Variants in IQGAP3 observed in about 807,000 individuals in gnomAD.
IQGAP3 encodes ras GTPase-activating-like protein IQGAP3.
Under a neutral mutation model 208.2 loss-of-function variants are expected in IQGAP3, and 165 were observed. The ratio of observed to expected loss-of-function variants is 0.79; its 90% CI spans 0.70 to 0.90. The LOEUF is 0.90. Among genes scored for constraint, IQGAP3 ranks in the 40% least tolerant of loss-of-function variants. The pLI is 0.00. For synonymous variants in IQGAP3, 703 were observed against 803.6 expected, an observed-to-expected ratio of 0.87 and a Z score of 2.12; for missense variants, 1,811 against 2,043.1, an observed-to-expected ratio of 0.89 and a Z score of 2.19.
intron 33 of IQGAP3, 57 bp downstream of exon 33, chr1:156,531,103 G>A (rs1273595212): frequency 2.5e-6 from 3 of 1,197,858 alleles, no homozygotes; most frequent in Admixed American, 3.4e-5. Context: ...AGCGGTGCAG[G>A]TGGGATGAGG....
chr1:156,541,100 C>T (rs990188475), intron 22 of IQGAP3, among the ~76,000 whole-genome samples, 184 bp from the exon 23 acceptor site: 1 of 151,798 alleles, frequency 6.6e-6, no homozygotes, highest in Non-Finnish European at 1.5e-5. Flanking sequence ...TCTAGCCAGG[C>T]CTGTCCCTGA....
Position 156,533,769 on chromosome 1 carries a change from G to T in IQGAP3, c.3976+4C>A. On this transcript the variant is annotated splice_donor_region_variant and intron_variant, in intron 31 of 37. Transcript: ENST00000361170. ...TGGCCTCAGCTGCTAAGGAGGGCAC[G>T]TACCAATAAGGTCAGGGATGGTGGG... The T allele has an allele frequency of 6.2e-7, 1 of 1,612,190 alleles. No individual in the cohort carries two copies. Among genetic ancestry groups the T allele is most frequent in the South Asian group, 1.1e-5 (1 of 90,908 alleles).
At chr1:156,534,788 G>A (rs1674614066) in intron 28 of IQGAP3, 55 bp from the exon 29 acceptor site, 7 of 1,291,494 alleles carry the variant, frequency 5.4e-6, no homozygotes, top group East Asian at 2.6e-5. Flanking sequence ...TGACTGGTGC[G>A]GCCCCACATT....
intron 24 of IQGAP3, 127 bp downstream of exon 24, chr1:156,539,711 G>A: frequency 1.6e-6 from 2 of 1,242,058 alleles, no homozygotes; most frequent in African/African-American, 3.0e-5. Flanking sequence ...TCCTTTCCTG[G>A]GGATAAGGAA....
rs916662894 is a variant in IQGAP3 at position 156,548,423 on chromosome 1, C to G, written c.2058G>C (p.Gln686His). ...GTTGCTCCCAGATCCCCTGGAAGGT[C>G]TGCAGATGGAAGTAGTAGGCAGTGC... Reference protein sequence around the residue: ...KDGTAYYFHLQTFQGIWEQPP... With the variant: ...KDGTAYYFHLHTFQGIWEQPP... The change falls in exon 18 of 38, where the codon CAG becomes CAC. Residue 686 changes from glutamine to histidine, a missense_variant. Physicochemically the swap from Gln to His is conservative, Grantham distance 24 (BLOSUM62 0). Transcript: ENST00000361170. The G allele has an allele frequency of 4.3e-6, 7 of 1,614,000 alleles. No homozygotes were observed. Among genetic ancestry groups the G allele is most frequent in the Non-Finnish European group, 5.9e-6 (7 of 1,179,998 alleles).
At position 156,532,970 on chromosome 1, in the gene IQGAP3, C is replaced by T. The variant is rs1227746864; in HGVS notation, c.4103+10G>A. On this transcript the variant is annotated intron_variant, in intron 32 of 37. Transcript: ENST00000361170. ...TCAGGTATGCAGGGGCAGAGGCTGG[C>T]ATCACCCACCTCAGAAGCAGGCTAC... The T allele has an allele frequency of 2.5e-6, 4 of 1,613,570 alleles. No homozygotes were observed. Among genetic ancestry groups the T allele is most frequent in the Non-Finnish European group, 3.4e-6 (4 of 1,179,774 alleles).
At chr1:156,532,386 CAAAAAAA>C (rs11302550) in intron 32 of IQGAP3, among the ~76,000 whole-genome samples, 1 of 81,562 alleles carries the variant, frequency 1.2e-5, no homozygotes. Flanking sequence ...GACTCCATCT[CAAAAAAA>C]AAAAAAAAAA....
Position 156,530,349 on chromosome 1 carries a change from C to T in IQGAP3, c.4192-32G>A, listed in dbSNP as rs777603569. The T allele has an allele frequency of 5.7e-6, 9 of 1,567,736 alleles. No individual in the cohort carries two copies. In the East Asian group the frequency reaches 1.8e-4, roughly 32 times the overall value. ...ACACACAGACGCTGGAGGGGTCTACCAGGTCCTACCATTCTGCTCCCACAC... is the reference window on the plus strand; with the variant it reads ...ACACACAGACGCTGGAGGGGTCTACTAGGTCCTACCATTCTGCTCCCACAC... On this transcript the variant is annotated intron_variant, in intron 33 of 37. Coordinates refer to ENST00000361170, the MANE Select transcript of IQGAP3 (RefSeq NM_178229.5).
At chr1:156,554,979 C>A (rs537138017) in intron 12 of IQGAP3, among the ~76,000 whole-genome samples, 1 of 152,098 alleles carries the variant, frequency 6.6e-6, no homozygotes, top group Non-Finnish European at 1.5e-5. Flanking sequence ...ATCGCTTAAA[C>A]CCAGGTGGAG....
At chr1:156,569,598 A>C in intron 1 of IQGAP3, 135 bp from the exon 2 acceptor site, 1 of 401,732 alleles carries the variant, frequency 2.5e-6, no homozygotes, top group South Asian at 4.5e-5. Flanking sequence ...GGCTCACTGC[A>C]AGCTCCGCCT....
At position 156,551,762 on chromosome 1, in the gene IQGAP3, G is replaced by A; in HGVS notation, c.1677C>T (p.Leu559=). Residue 559 remains leucine (L), a synonymous_variant, in exon 15 of 38, where the codon CTC becomes CTT. Coordinates refer to ENST00000361170, the MANE Select transcript of IQGAP3 (RefSeq NM_178229.5). ...LPAAGLDDVS[L]PVAPRYHLLL... ...GGAGATGGTACCGAGGGGCGACAGG[G>A]AGGCTGACATCATCTAGGCCAGCTG... 1 of 1,614,036 alleles carries A rather than the reference G, an allele frequency of 6.2e-7. No homozygotes were observed. The highest frequency in any genetic ancestry group is 1.1e-5 in the South Asian group (1 of 91,038).
chr1:156,567,545 G>A (rs753547579), intron 2 of IQGAP3, among the ~76,000 whole-genome samples: 9 of 152,192 alleles, frequency 5.9e-5, no homozygotes, highest in Admixed American at 2.0e-4. Flanking sequence ...ATTACTGATG[G>A]TTGTATGAGG....
chr1:156,540,619 A>G, intron 23 of IQGAP3, 89 bp downstream of exon 23: 1 of 1,232,768 alleles, frequency 8.1e-7, no homozygotes, highest in African/African-American at 1.5e-5. Context: ...ACATTTTGAA[A>G]AAAATTGATT....
At chr1:156,560,650 T>C (rs980365762) in intron 11 of IQGAP3, among the ~76,000 whole-genome samples, 1 of 152,230 alleles carries the variant, frequency 6.6e-6, no homozygotes, top group Non-Finnish European at 1.5e-5. Context: ...AGGTTGAAAC[T>C]GTCAAAATTA....
At chr1:156,560,233 G>A (rs1000255627) in intron 11 of IQGAP3, among the ~76,000 whole-genome samples, 1 of 152,044 alleles carries the variant, frequency 6.6e-6, no homozygotes, top group African/African-American at 2.4e-5. Context: ...ATTTGTGGCC[G>A]GTCACAGTGA....
Position 156,551,867 on chromosome 1 carries a change from C to T in IQGAP3, c.1572G>A (p.Arg524=). Residue 524 remains arginine, a splice_region_variant and synonymous_variant, in exon 15 of 38, where the codon CGG becomes CGA. Transcript: ENST00000361170. ...CATTGATGAGGCTGACTGCAAGGAC[C>T]CCTAAGAAAGAGAGATCTAGGTGGG... ...VNAQTQEETD[R]VLAVSLINEA... The T allele has an allele frequency of 6.2e-7, 1 of 1,603,262 alleles. No homozygotes were observed. The highest frequency in any genetic ancestry group is 1.3e-5 in the African/African-American group (1 of 74,734).
At position 156,534,731 on chromosome 1, in the gene IQGAP3, C is replaced by A. The variant is rs748585871; in HGVS notation, c.3510G>T (p.Val1170=). 5.8e-6 allele frequency: 9 copies of A among 1,542,784 alleles called. No individual in the cohort carries two copies. In the South Asian group the frequency reaches 9.9e-5, roughly 17 times the overall value. ...AGCGGTAGTACAGGAGGTTCCCGAC[C>A]ACCTGAGGGCAAAGGAGACTCTCCC... ...PDATDSEVYK[V]VGNLLYYRFL... Residue 1170 remains valine (V), a splice_region_variant and synonymous_variant, in exon 29 of 38, where the codon GTG becomes GTT. Coordinates refer to ENST00000361170, the MANE Select transcript of IQGAP3 (RefSeq NM_178229.5).
intron 2 of IQGAP3, among the ~76,000 whole-genome samples, chr1:156,568,166 G>GA (rs553219565): frequency 3.3e-5 from 5 of 151,338 alleles, no homozygotes; most frequent in South Asian, 2.1e-4. Flanking sequence ...CTGAGTGGGG[G>GA]AAAAAAAACC....
intron 2 of IQGAP3, among the ~76,000 whole-genome samples, chr1:156,568,368 C>T (rs1489013908): frequency 8.2e-6 from 1 of 121,692 alleles, no homozygotes; most frequent in Non-Finnish European, 1.7e-5. Context: ...GCATGCACCA[C>T]TGCGACCAGC....
Sources: gnomAD v4.1 joint callset for allele counts (sites outside exome capture counted in the v4.1 genomes callset) on GRCh38, gnomAD v4.1.1 for gene constraint, MANE v1.5 for transcripts, NCBI Gene and HGNC (gene_info 2026-07-23, HGNC 2026-07-21) for gene names.